GRHL2: variants seen among roughly 807,000 people sequenced by gnomAD.
The protein encoded by GRHL2 is grainyhead-like protein 2 homolog.
A neutral mutation model predicts 83.8 loss-of-function variants in GRHL2; 21 were observed. The ratio of observed to expected loss-of-function variants is 0.25; its 90% CI spans 0.18 to 0.36. The LOEUF is 0.36. Ranked by LOEUF, GRHL2 falls within the 10% of genes least tolerant of loss-of-function variation. GRHL2 has a pLI of 1.00. For missense variants in GRHL2, 623 were observed against 781.8 expected, an observed-to-expected ratio of 0.80 and a Z score of 2.42; for synonymous variants, 280 against 278.9, an observed-to-expected ratio of 1.00 and a Z score of -0.04.
chr8:101,531,884 A>G (rs1258117740), intron 1 of GRHL2, among the ~76,000 whole-genome samples: 1 of 152,232 alleles, frequency 6.6e-6, no homozygotes, highest in Non-Finnish European at 1.5e-5. Context: ...ATCAGTATCT[A>G]AAACGAAACC....
chr8:101,640,870 C>T (rs1337140033), intron 12 of GRHL2, among the ~76,000 whole-genome samples: 2 of 152,174 alleles, frequency 1.3e-5, no homozygotes, highest in African/African-American at 4.8e-5. Context: ...ACTTTATTTT[C>T]TCCCATGCTT....
At chr8:101,674,477 C>T (rs1431713751), downstream of GRHL2, among the ~76,000 whole-genome samples, 10 of 151,896 alleles carry the variant, frequency 6.6e-5, no homozygotes, top group African/African-American at 1.2e-4. Flanking sequence ...ATAAATTCCT[C>T]GACACATACA....
At chr8:101,649,334 T>C in intron 13 of GRHL2, 80 bp from the exon 14 acceptor site, 1 of 1,127,516 alleles carries the variant, frequency 8.9e-7, no homozygotes, top group Non-Finnish European at 1.3e-6. Context: ...AACACCTGTG[T>C]GACAGGAAAC....
intron 4 of GRHL2, among the ~76,000 whole-genome samples, chr8:101,566,632 A>G (rs1811724109): frequency 6.7e-6 from 1 of 148,852 alleles, no homozygotes; most frequent in Non-Finnish European, 1.5e-5. Flanking sequence ...TATATTTATT[A>G]TATCTAACTG....
At chr8:101,654,527 A>G (rs1395560146) in intron 14 of GRHL2, among the ~76,000 whole-genome samples, 1 of 152,218 alleles carries the variant, frequency 6.6e-6, no homozygotes, top group East Asian at 1.9e-4. Flanking sequence ...GGTGTTATTT[A>G]GGTGTAAAAG....
At chr8:101,604,450 G>A (rs1366607748) in intron 8 of GRHL2, among the ~76,000 whole-genome samples, 1 of 152,280 alleles carries the variant, frequency 6.6e-6, no homozygotes, top group Non-Finnish European at 1.5e-5. Flanking sequence ...GTCCAGGGCT[G>A]TTTTCTCTGT....
At chr8:101,505,515 T>G (rs1240532789) in intron 1 of GRHL2, among the ~76,000 whole-genome samples, 1 of 141,430 alleles carries the variant, frequency 7.1e-6, no homozygotes, top group Non-Finnish European at 1.5e-5. Context: ...ACGCGGAGGT[T>G]GCAGTGAGCC....
chr8:101,647,958 G>A (rs1004240112), intron 13 of GRHL2, among the ~76,000 whole-genome samples: 3 of 152,078 alleles, frequency 2.0e-5, no homozygotes, highest in African/African-American at 7.2e-5. Flanking sequence ...CTGGTTGATG[G>A]CTCTGTTGGT....
At chr8:101,534,140 A>G (rs1810993395) in intron 1 of GRHL2, among the ~76,000 whole-genome samples, 1 of 152,192 alleles carries the variant, frequency 6.6e-6, no homozygotes, top group Admixed American at 6.5e-5. Context: ...GTAACATACT[A>G]TCTCAAAACT....
At chr8:101,585,665 A>G (rs1812148264) in intron 7 of GRHL2, among the ~76,000 whole-genome samples, 1 of 152,256 alleles carries the variant, frequency 6.6e-6, no homozygotes, top group African/African-American at 2.4e-5. Flanking sequence ...AGCTGCAGTT[A>G]TGGAAAACTC....
intron 14 of GRHL2, among the ~76,000 whole-genome samples, chr8:101,657,056 A>G (rs1813807607): frequency 1.3e-5 from 2 of 152,046 alleles, no homozygotes; most frequent in Admixed American, 1.3e-4. Context: ...AGTAGCACCC[A>G]GTTTTTGTCC....
intron 8 of GRHL2, among the ~76,000 whole-genome samples, chr8:101,604,338 T>C (rs928700710): frequency 1.3e-5 from 2 of 152,144 alleles, no homozygotes; most frequent in African/African-American, 4.8e-5. Context: ...TTTCTCTAAG[T>C]GATGACATCA....
intron 1 of GRHL2, among the ~76,000 whole-genome samples, chr8:101,506,332 A>T (rs1156720871): frequency 6.6e-6 from 1 of 152,230 alleles, no homozygotes; most frequent in Non-Finnish European, 1.5e-5. Context: ...AAGTATCTAG[A>T]AGAAAAATCA....
chr8:101,677,034 G>A, the GRHL2 span, among the ~76,000 whole-genome samples: 4 of 151,922 alleles, frequency 2.6e-5, no homozygotes, highest in African/African-American at 9.7e-5. Context: ...ACACAGGAAG[G>A]GGAATATCAC....
chr8:101,666,768 C>G lies in GRHL2; in HGVS notation c.*65C>G. On this transcript the variant is annotated 3_prime_UTR_variant, in exon 16 of 16. Transcript: ENST00000646743. ...CGTTCCTCCCTGAGAGAGACAGAAG[C>G]CCCAGCCCCAGAACCTGGAGACCCA... 1.0e-6 allele frequency: 1 copy of G among 954,296 alleles called. No homozygotes were observed. Among genetic ancestry groups the G allele is most frequent in the Non-Finnish European group, 1.7e-6 (1 of 584,878 alleles). 59.1% of individuals were successfully genotyped at this position (954,296 alleles called of 1,614,324 possible). A position where few individuals can be genotyped will look rare whatever the true frequency, so the allele number is the denominator to read the frequency against.
chr8:101,609,706 A>C (rs1045414583), intron 8 of GRHL2, among the ~76,000 whole-genome samples: 1 of 150,998 alleles, frequency 6.6e-6, no homozygotes. Flanking sequence ...AGCAAGATGC[A>C]GACCTGTGTG....
In GRHL2 at chr8:101,632,251, A is replaced by G. The variant is rs1350245014; in HGVS notation, c.1371A>G (p.Ile457Met). Reference sequence around the variant, plus strand: ...CCTCTGATGGGAAGTTGGCTGCCATACCTTTACAGAAGAAGAGTGACATCA... The same window carrying G: ...CCTCTGATGGGAAGTTGGCTGCCATGCCTTTACAGAAGAAGAGTGACATCA... ...NSSSDGKLAA[I>M]PLQKKSDITY... The change falls in exon 11 of 16, where the codon ATA becomes ATG. Residue 457 changes from isoleucine (I) to methionine (M), a missense_variant. Physicochemically the swap from Ile to Met is conservative, Grantham distance 10 (BLOSUM62 1). Coordinates refer to ENST00000646743, the MANE Select transcript of GRHL2 (RefSeq NM_024915.4). The G allele has an allele frequency of 5.0e-6, 8 of 1,614,026 alleles. No individual in the cohort carries two copies. Among genetic ancestry groups the G allele is most frequent in the Non-Finnish European group, 6.8e-6 (8 of 1,179,926 alleles).
intron 9 of GRHL2, among the ~76,000 whole-genome samples, chr8:101,620,442 G>A (rs989690640): frequency 4.6e-5 from 7 of 152,096 alleles, no homozygotes; most frequent in African/African-American, 1.7e-4. Context: ...GGGTTAAATG[G>A]GACCTCATCT....
intron 8 of GRHL2, among the ~76,000 whole-genome samples, chr8:101,610,909 T>C (rs976516999): frequency 6.6e-6 from 1 of 150,898 alleles, no homozygotes; most frequent in Non-Finnish European, 1.5e-5. Flanking sequence ...GGTGAACTAA[T>C]GTTCTAAGGT....
Sources: gnomAD v4.1 joint callset for allele counts (sites outside exome capture counted in the v4.1 genomes callset) on GRCh38, gnomAD v4.1.1 for gene constraint, MANE v1.5 for transcripts, NCBI Gene and HGNC (gene_info 2026-07-23, HGNC 2026-07-21) for gene names.